ROBO1: variants seen among roughly 807,000 people sequenced by gnomAD.
ROBO1 encodes the protein roundabout guidance receptor 1.
Under a neutral mutation model 195.9 loss-of-function variants are expected in ROBO1, and 149 were observed. The ratio of observed to expected loss-of-function variants is 0.76; its 90% confidence interval spans 0.67 to 0.87. The LOEUF (loss-of-function observed/expected upper bound fraction) is 0.87, where lower values mean the gene tolerates loss of function less well. Among genes scored for constraint, ROBO1 ranks in the 40% least tolerant of loss-of-function variants. ROBO1 has a pLI of 0.00. For missense variants in ROBO1, 1,933 were observed against 2,068.3 expected, an observed-to-expected ratio of 0.93 and a Z score of 1.27; for synonymous variants, 816 against 733.2, an observed-to-expected ratio of 1.11 and a Z score of -1.82.
At chr3:79,503,640 A>G (rs1286482956) in intron 2 of ROBO1, among the ~76,000 whole-genome samples, 1 of 152,196 alleles carries the variant, frequency 6.6e-6, no homozygotes, top group Non-Finnish European at 1.5e-5. Flanking sequence ...GCAAGATGAT[A>G]TAGGAAGATG....
intron 3 of ROBO1, among the ~76,000 whole-genome samples, chr3:79,015,205 A>G (rs565859663): frequency 5.3e-4 from 80 of 152,290 alleles, no homozygotes; most frequent in African/African-American, 1.8e-3. Flanking sequence ...GTACATTTAA[A>G]AGCCAGAAAG....
intron 2 of ROBO1, among the ~76,000 whole-genome samples, chr3:79,427,977 G>A (rs1466511743): frequency 6.6e-6 from 1 of 151,824 alleles, no homozygotes; most frequent in South Asian, 2.1e-4. Flanking sequence ...GCACAGCAGA[G>A]GAAACAAGCA....
At position 78,937,187 on chromosome 3, in the gene ROBO1, T is replaced by C. The variant is rs141513150; in HGVS notation, c.499+1414A>G. Among the ~76,000 whole-genome samples, 506 of 152,128 alleles carry C rather than the reference T, an allele frequency of 3.3e-3. 4 individuals carry two copies. Among genetic ancestry groups the C allele is most frequent in the African/African-American group, 0.012 (481 of 41,532 alleles). ...GAGTGATCAAGTCATTTACATTCTC[T>C]AGGGCTGATTTCACGTTAATAATAT... On this transcript the variant is annotated intron_variant, in intron 4 of 30. Coordinates refer to ENST00000464233, the MANE Select transcript of ROBO1 (RefSeq NM_002941.4).
Position 78,633,958 on chromosome 3 carries a change from G to A in ROBO1, c.3458C>T (p.Ser1153Leu), listed in dbSNP as rs758562546. The stretch of plus-strand genomic sequence containing the variant: ...ACCAGATGTACTACTGCCCCGGTCT[G>A]AGCTGTTGTAGGATCCTCCTGTGTT... ...DQNTGGSYNS[S>L]DRGSSTSGSQ... Residue 1153 changes from serine (S) to leucine (L), a missense_variant, in exon 24 of 31, where the codon TCA (serine) becomes TTA (leucine). By Grantham distance (145) the Ser-to-Leu change is moderately radical. This residue lies in a region of ROBO1 where 1,737 missense variants were observed against 1,882.5 expected (regional missense o/e 0.92). Coordinates refer to ENST00000464233, the MANE Select transcript of ROBO1 (RefSeq NM_002941.4). The A allele has an allele frequency of 6.2e-7, 1 of 1,611,762 alleles. No homozygotes were observed. Among genetic ancestry groups the A allele is most frequent in the East Asian group, 2.2e-5 (1 of 44,796 alleles).
rs548655382 is a variant in ROBO1 at position 79,046,210 on chromosome 3, T to C, written c.172+79246A>G. On this transcript the variant is annotated intron_variant, in intron 3 of 30. Coordinates refer to ENST00000464233, the MANE Select transcript of ROBO1 (RefSeq NM_002941.4). ...GGAAACCAGCCGCCATGTTGGGAGC[T>C]GCTCTATGGGGAGGCTGTCTTAACA... Among the ~76,000 whole-genome samples, 50 of 152,240 alleles carry C rather than the reference T, an allele frequency of 3.3e-4. No homozygotes were observed. In the South Asian group the frequency reaches 8.9e-3, roughly 27 times the overall value.
chr3:79,758,821 A>G (rs1459067295), intron 1 of ROBO1, among the ~76,000 whole-genome samples: 1 of 152,158 alleles, frequency 6.6e-6, no homozygotes, highest in Non-Finnish European at 1.5e-5. Flanking sequence ...GTGCTGAAGA[A>G]CTCAAACTTG....
chr3:78,673,526 T>A (rs894002530), intron 10 of ROBO1, among the ~76,000 whole-genome samples: 1 of 136,008 alleles, frequency 7.4e-6, no homozygotes, highest in Non-Finnish European at 1.6e-5. Context: ...ATAATATATA[T>A]AAATATATAT....
intron 1 of ROBO1, among the ~76,000 whole-genome samples, chr3:79,620,686 C>T (rs570850626): frequency 6.6e-6 from 1 of 152,162 alleles, no homozygotes; most frequent in Non-Finnish European, 1.5e-5. Context: ...CCTTGTGTCT[C>T]CCTACCTTAA....
intron 3 of ROBO1, among the ~76,000 whole-genome samples, chr3:79,035,570 C>A (rs1288062076): frequency 2.0e-5 from 3 of 151,410 alleles, no homozygotes; most frequent in Non-Finnish European, 4.4e-5. Flanking sequence ...ACAAAAAAAA[C>A]AATTAGTGGG....
At chr3:79,025,705 A>G (rs540251515) in intron 3 of ROBO1, among the ~76,000 whole-genome samples, 1 of 152,312 alleles carries the variant, frequency 6.6e-6, no homozygotes, top group East Asian at 1.9e-4. Context: ...CTTCAAAATC[A>G]AAGTTCTGAT....
At chr3:79,614,004 T>A (rs1944744846) in intron 1 of ROBO1, among the ~76,000 whole-genome samples, 1 of 151,692 alleles carries the variant, frequency 6.6e-6, no homozygotes, top group African/African-American at 2.4e-5. Context: ...CAACAGAGAT[T>A]TAAAATGCAT....
intron 2 of ROBO1, among the ~76,000 whole-genome samples, chr3:79,211,869 G>A (rs1198527116): frequency 6.6e-6 from 1 of 152,124 alleles, no homozygotes; most frequent in Admixed American, 6.5e-5. Flanking sequence ...GTGTGGAGTG[G>A]GAAACCAGGT....
chr3:79,027,431 T>C (rs974092614), intron 3 of ROBO1, among the ~76,000 whole-genome samples: 1 of 152,030 alleles, frequency 6.6e-6, no homozygotes, highest in Non-Finnish European at 1.5e-5. Flanking sequence ...CTTATATGGC[T>C]TATGGGAAAG....
At chr3:78,898,147 A>T (rs182278864) in intron 4 of ROBO1, among the ~76,000 whole-genome samples, 3 of 149,590 alleles carry the variant, frequency 2.0e-5, no homozygotes, top group Non-Finnish European at 4.4e-5. Context: ...AAACATATAT[A>T]TATATATATG....
intron 1 of ROBO1, among the ~76,000 whole-genome samples, chr3:79,714,990 A>C: frequency 6.6e-6 from 1 of 151,994 alleles, no homozygotes; most frequent in Middle Eastern, 3.2e-3. Flanking sequence ...CTAAAACTTA[A>C]AGTATAATAA....
chr3:78,919,935 G>A (rs1389805009), intron 4 of ROBO1, among the ~76,000 whole-genome samples: 1 of 152,110 alleles, frequency 6.6e-6, no homozygotes, highest in African/African-American at 2.4e-5. Flanking sequence ...AAACATAAAG[G>A]TCTGGAACCA....
intron 4 of ROBO1, among the ~76,000 whole-genome samples, chr3:78,797,427 C>T (rs983198962): frequency 2.6e-5 from 4 of 152,192 alleles, no homozygotes; most frequent in Non-Finnish European, 5.9e-5. Context: ...GAAGGCTCTA[C>T]TGTCAACTGC....
intron 4 of ROBO1, among the ~76,000 whole-genome samples, chr3:78,817,756 T>C (rs1042294054): frequency 7.9e-5 from 12 of 152,136 alleles, no homozygotes; most frequent in Non-Finnish European, 1.3e-4. Context: ...AAAATAGAGC[T>C]AGTTAAAGTT....
chr3:78,695,625 CAAAAAAA>C (rs1172592248), intron 8 of ROBO1, among the ~76,000 whole-genome samples: 1 of 54,516 alleles, frequency 1.8e-5, no homozygotes, highest in East Asian at 5.1e-4. Context: ...ACTCTTGTCT[CAAAAAAA>C]AAAAAAAAAA....
Sources: gnomAD v4.1 joint callset for allele counts (sites outside exome capture counted in the v4.1 genomes callset) on GRCh38, gnomAD v4.1.1 for gene constraint, gnomAD v4.1.1 regional missense constraint, MANE v1.5 for transcripts, NCBI Gene and HGNC (gene_info 2026-07-23, HGNC 2026-07-21) for gene names.